Variants in ANK3 observed in about 807,000 individuals in gnomAD.
ANK3 encodes the protein ankyrin-3.
ANK3 carries 57 observed loss-of-function variants against 370.9 expected under a neutral mutation model. The ratio of observed to expected loss-of-function variants is 0.15; its 90% CI spans 0.12 to 0.19. The LOEUF is 0.19. ANK3 is among the 10% of genes least tolerant of loss of function. ANK3 has a pLI of 1.00. For missense variants in ANK3, 4,439 were observed against 5,302.1 expected (o/e 0.84, Z 5.06); for synonymous variants, 1,929 against 1,946.3 (o/e 0.99, Z 0.23).
At chr10:60,679,942 C>G (rs2079172452) in intron 1 of ANK3, among the ~76,000 whole-genome samples, 1 of 151,952 alleles carries the variant, frequency 6.6e-6, no homozygotes, top group South Asian at 2.1e-4. Context: ...TCAAGACCAG[C>G]CTGGTCAACA....
intron 25 of ANK3, among the ~76,000 whole-genome samples, chr10:60,122,084 A>T (rs970809238): frequency 6.6e-6 from 1 of 152,156 alleles, no homozygotes; most frequent in African/African-American, 2.4e-5. Context: ...ACAGACTTAG[A>T]TTTGGAAATT....
At chr10:60,048,788 A>T (rs2077364495) in intron 42 of ANK3, among the ~76,000 whole-genome samples, 1 of 152,160 alleles carries the variant, frequency 6.6e-6, no homozygotes, top group Non-Finnish European at 1.5e-5. Flanking sequence ...AGGGCTAGGG[A>T]TTAGGTTCTA....
chr10:60,441,555 A>G (rs2064299891), intron 2 of ANK3, among the ~76,000 whole-genome samples: 1 of 152,048 alleles, frequency 6.6e-6, no homozygotes, highest in African/African-American at 2.4e-5. Context: ...CACAACAGCA[A>G]TTACATGGCT....
At chr10:60,055,338 A>G (rs1209266359) in intron 42 of ANK3, among the ~76,000 whole-genome samples, 1 of 152,156 alleles carries the variant, frequency 6.6e-6, no homozygotes, top group Non-Finnish European at 1.5e-5. Context: ...CAGATAAAAT[A>G]CTGGGTCTTA....
intron 1 of ANK3, among the ~76,000 whole-genome samples, chr10:60,284,886 C>CA (rs2098221899): frequency 6.6e-6 from 1 of 152,110 alleles, no homozygotes; most frequent in Non-Finnish European, 1.5e-5. Context: ...TCCCAGCTAC[C>CA]TGTGAGCCAT....
At chr10:60,413,522 T>C (rs2132935018) in intron 2 of ANK3, among the ~76,000 whole-genome samples, 1 of 152,298 alleles carries the variant, frequency 6.6e-6, no homozygotes, top group South Asian at 2.1e-4. Flanking sequence ...ATTACTTGAA[T>C]TCCAAAACAA....
chr10:60,505,131 T>G (rs1374967067), intron 2 of ANK3, among the ~76,000 whole-genome samples: 5 of 152,116 alleles, frequency 3.3e-5, no homozygotes, highest in Admixed American at 3.3e-4. Flanking sequence ...TATGGCAAAG[T>G]GTTGAAGCTT....
intron 22 of ANK3, 26 bp downstream of exon 22, chr10:60,166,798 T>C: frequency 3.1e-6 from 5 of 1,607,620 alleles, no homozygotes; most frequent in Non-Finnish European, 4.3e-6. Flanking sequence ...TTATAATTAT[T>C]GTGAACTCAA....
chr10:60,065,590 T>C (rs963838964), intron 38 of ANK3, among the ~76,000 whole-genome samples: 12 of 152,210 alleles, frequency 7.9e-5, no homozygotes, highest in African/African-American at 2.7e-4. Flanking sequence ...TGAATGTTCA[T>C]TGAAAACAAT....
chr10:60,173,902 A>T (rs1411914427), intron 18 of ANK3, among the ~76,000 whole-genome samples: 7 of 152,152 alleles, frequency 4.6e-5, no homozygotes, highest in Non-Finnish European at 7.3e-5. Flanking sequence ...TATACAATCT[A>T]GATAATTATT....
chr10:60,136,373 T>C (rs1435218647), intron 24 of ANK3, among the ~76,000 whole-genome samples: 2 of 152,132 alleles, frequency 1.3e-5, no homozygotes, highest in East Asian at 3.9e-4. Context: ...TTAGTGCAGC[T>C]TCTAAGTATT....
At chr10:60,266,937 C>T (rs912993251) in intron 5 of ANK3, among the ~76,000 whole-genome samples, 1 of 152,032 alleles carries the variant, frequency 6.6e-6, no homozygotes, top group African/African-American at 2.4e-5. Context: ...AACGAACAAA[C>T]AAATATACTG....
At chr10:60,098,674 T>C (rs926540308) in intron 28 of ANK3, among the ~76,000 whole-genome samples, 1 of 152,218 alleles carries the variant, frequency 6.6e-6, no homozygotes, top group African/African-American at 2.4e-5. Context: ...TTAAAAAACA[T>C]TTATTTTAAA....
chr10:60,450,314 G>T (rs1595058257), intron 2 of ANK3, among the ~76,000 whole-genome samples: 1 of 152,062 alleles, frequency 6.6e-6, no homozygotes, highest in Non-Finnish European at 1.5e-5. Context: ...AATATATAGA[G>T]AGAATGAACA....
At chr10:60,067,126 G>C (rs1159453739) in intron 38 of ANK3, among the ~76,000 whole-genome samples, 2 of 152,092 alleles carry the variant, frequency 1.3e-5, no homozygotes, top group African/African-American at 4.8e-5. Context: ...CACCATGTTG[G>C]GTAGGCTAGT....
intron 16 of ANK3, among the ~76,000 whole-genome samples, chr10:60,190,681 T>C (rs1360034760): frequency 6.6e-6 from 1 of 152,176 alleles, no homozygotes; most frequent in Non-Finnish European, 1.5e-5. Flanking sequence ...AAAGATTCAC[T>C]GCAATTCCTG....
At chr10:60,415,924 C>T (rs866377622) in intron 2 of ANK3, among the ~76,000 whole-genome samples, 3 of 113,296 alleles carry the variant, frequency 2.6e-5, no homozygotes, top group East Asian at 2.7e-4. Flanking sequence ...GTGCCCCCCA[C>T]CCCCCCGCCA....
At chr10:60,185,894 C>T (rs2096312894) in intron 17 of ANK3, among the ~76,000 whole-genome samples, 1 of 152,100 alleles carries the variant, frequency 6.6e-6, no homozygotes, top group South Asian at 2.1e-4. Flanking sequence ...CTAGTCTTTT[C>T]TTCATGAATA....
rs1206866610 is a variant in ANK3 at position 60,337,521 on chromosome 10, C to G, written c.114+51904G>C. 2.0e-5 allele frequency among the ~76,000 whole-genome samples: 3 copies of G among 152,134 alleles called. No individual in the cohort carries two copies. In the East Asian group the frequency reaches 5.8e-4, roughly 29 times the overall value. On this transcript the variant is annotated intron_variant, in intron 1 of 43. Transcript: ENST00000280772. ...TTATCAGGCTCCGACTGAATACTTT[C>G]CCTATTAAATTCCATGTCTCCTCTT...
Sources: gnomAD v4.1 joint callset for allele counts (sites outside exome capture counted in the v4.1 genomes callset) on GRCh38, gnomAD v4.1.1 for gene constraint, MANE v1.5 for transcripts, NCBI Gene and HGNC (gene_info 2026-07-23, HGNC 2026-07-21) for gene names.